PRKG1: variants seen among roughly 807,000 people sequenced by gnomAD.
The protein encoded by PRKG1 is protein kinase cGMP-dependent 1, also known as cGMP-dependent protein kinase 1.
In PRKG1, 35 loss-of-function variants were observed where a neutral mutation model predicts 88.1. The observed-to-expected ratio is 0.40, with a 90% CI of 0.30 to 0.53. PRKG1 has a LOEUF of 0.53. Ranked by LOEUF, PRKG1 falls within the 20% of genes least tolerant of loss-of-function variation. The pLI, the probability that PRKG1 is intolerant of heterozygous loss-of-function variation, is 0.59. For synonymous variants in PRKG1, 303 were observed against 292.5 expected (o/e 1.04, Z -0.37); for missense variants, 540 against 839.8 (o/e 0.64, Z 4.41).
intron 3 of PRKG1, among the ~76,000 whole-genome samples, chr10:51,628,965 C>CAAAAAAAAAA (rs199634329): frequency 2.6e-4 from 26 of 98,418 alleles, no homozygotes; most frequent in South Asian, 4.0e-4. Flanking sequence ...GACTCCGTCT[C>CAAAAAAAAAA]AAAAAAAAAA....
intron 7 of PRKG1, among the ~76,000 whole-genome samples, chr10:52,092,238 T>A (rs1328080686): frequency 2.0e-5 from 3 of 152,150 alleles, no homozygotes; most frequent in African/African-American, 7.2e-5. Flanking sequence ...TCTCATATCA[T>A]CTCTTCAGAT....
chr10:52,128,355 G>A, intron 7 of PRKG1: 1 of 985,310 alleles, frequency 1.0e-6, no homozygotes, highest in Non-Finnish European at 1.2e-6. Context: ...TACATTCTGT[G>A]TTTGTTCCCC....
At chr10:51,126,247 A>G (rs1845408937) in intron 1 of PRKG1, among the ~76,000 whole-genome samples, 1 of 8,316 alleles carries the variant, frequency 1.2e-4, no homozygotes, top group Non-Finnish European at 6.2e-4. Context: ...TTATATATTT[A>G]TAATTATTTA....
chr10:51,803,719 T>C (rs942560578), intron 3 of PRKG1, among the ~76,000 whole-genome samples: 7 of 145,748 alleles, frequency 4.8e-5, no homozygotes, highest in Admixed American at 4.0e-4. Flanking sequence ...ATTTGAATTG[T>C]TTTTTTTTAG....
intron 7 of PRKG1, among the ~76,000 whole-genome samples, chr10:52,098,554 T>C (rs926143703): frequency 1.3e-5 from 2 of 152,194 alleles, no homozygotes; most frequent in Non-Finnish European, 2.9e-5. Context: ...CTCACGCCTG[T>C]AATCCCAGCA....
chr10:51,204,061 C>G (rs1837980547), intron 2 of PRKG1, among the ~76,000 whole-genome samples: 1 of 152,084 alleles, frequency 6.6e-6, no homozygotes, highest in Non-Finnish European at 1.5e-5. Flanking sequence ...TTCTTCTTCT[C>G]CATCTGTTTT....
chr10:51,330,529 T>C (rs1841713276), intron 2 of PRKG1, among the ~76,000 whole-genome samples: 1 of 152,230 alleles, frequency 6.6e-6, no homozygotes, highest in Non-Finnish European at 1.5e-5. Context: ...TTCGTATTTT[T>C]TCTCATCTGA....
At chr10:51,973,828 G>T (rs1448634073) in intron 5 of PRKG1, among the ~76,000 whole-genome samples, 9 of 152,048 alleles carry the variant, frequency 5.9e-5, no homozygotes, top group Non-Finnish European at 1.2e-4. Flanking sequence ...AAGATTAGGG[G>T]TTGGCAAAAT....
chr10:51,539,426 G>A (rs1842243489), intron 3 of PRKG1, among the ~76,000 whole-genome samples: 1 of 152,128 alleles, frequency 6.6e-6, no homozygotes, highest in African/African-American at 2.4e-5. Context: ...TTAAAACAAT[G>A]TACAAAGATT....
intron 3 of PRKG1, among the ~76,000 whole-genome samples, chr10:51,515,750 G>A (rs567661388): frequency 4.6e-5 from 7 of 152,124 alleles, no homozygotes; most frequent in Non-Finnish European, 7.4e-5. Flanking sequence ...TGTGAAACTC[G>A]CAACAGGGGT....
In PRKG1 at chr10:51,088,630, G is replaced by A. The variant is rs182429691; in HGVS notation, c.311+13729G>A. Among the ~76,000 whole-genome samples, 221 of 152,044 alleles carry A rather than the reference G, an allele frequency of 1.5e-3. 1 individual carries two copies. The highest frequency in any genetic ancestry group is 2.3e-3 in the Non-Finnish European group (156 of 67,988). ...TCTCAGTGTTTGGGTTTGTGGTGCCGTGTACATTTTTTCCATATCCATCAG... is the reference window on the plus strand; with the variant it reads ...TCTCAGTGTTTGGGTTTGTGGTGCCATGTACATTTTTTCCATATCCATCAG... On this transcript the variant is annotated intron_variant, in intron 1 of 17. Transcript: ENST00000373980.
chr10:51,109,809 A>T (rs973886385), intron 1 of PRKG1, among the ~76,000 whole-genome samples: 1 of 152,134 alleles, frequency 6.6e-6, no homozygotes, highest in Non-Finnish European at 1.5e-5. Flanking sequence ...AAAGGAATGT[A>T]ACAGACTGGG....
At chr10:51,245,416 T>C (rs1055298112) in intron 2 of PRKG1, 4 of 152,106 alleles carry the variant, frequency 2.6e-5, no homozygotes, top group African/African-American at 9.7e-5. Flanking sequence ...ATTTAAGTAA[T>C]CTAGGTCAGG....
At chr10:51,963,453 T>TTTTA (rs1279840168) in intron 5 of PRKG1, among the ~76,000 whole-genome samples, 3 of 151,980 alleles carry the variant, frequency 2.0e-5, no homozygotes, top group African/African-American at 7.2e-5. Flanking sequence ...TCATTTTTAT[T>TTTTA]TTTATTTATT....
At chr10:52,292,562 C>T (rs1331897022) in intron 17 of PRKG1, among the ~76,000 whole-genome samples, 2 of 151,748 alleles carry the variant, frequency 1.3e-5, no homozygotes, top group Non-Finnish European at 1.5e-5. Flanking sequence ...TGTCAAAGAT[C>T]AGATAGTTGT....
At chr10:52,291,997 T>C (rs1466383137) in intron 17 of PRKG1, among the ~76,000 whole-genome samples, 1 of 152,234 alleles carries the variant, frequency 6.6e-6, no homozygotes, top group Non-Finnish European at 1.5e-5. Flanking sequence ...ATTTCTCTGA[T>C]GGCCAGTGAT....
chr10:51,856,592 T>C (rs1035200580), intron 4 of PRKG1, among the ~76,000 whole-genome samples: 8 of 152,170 alleles, frequency 5.3e-5, no homozygotes, highest in African/African-American at 1.9e-4. Flanking sequence ...GAGAACCCAC[T>C]TCATAAGGCT....
intron 5 of PRKG1, among the ~76,000 whole-genome samples, chr10:51,968,847 AAAAAAT>A: frequency 6.6e-6 from 1 of 151,672 alleles, no homozygotes; most frequent in Admixed American, 6.6e-5. Context: ...AGAAAAAAGA[AAAAAAT>A]AGTAATAATT....
intron 3 of PRKG1, among the ~76,000 whole-genome samples, chr10:51,558,105 C>T (rs1020454275): frequency 2.0e-5 from 3 of 151,970 alleles, no homozygotes; most frequent in African/African-American, 7.2e-5. Context: ...ATAAAAATTA[C>T]CAACAGACCA....
Sources: gnomAD v4.1 joint callset for allele counts (sites outside exome capture counted in the v4.1 genomes callset) on GRCh38, gnomAD v4.1.1 for gene constraint, MANE v1.5 for transcripts, NCBI Gene and HGNC (gene_info 2026-07-23, HGNC 2026-07-21) for gene names.